The following RIMKLB variants were observed in gnomAD, a reference collection of about 807,000 sequenced individuals.
RIMKLB encodes the protein beta-citrylglutamate synthase B.
A neutral mutation model predicts 32.0 loss-of-function variants in RIMKLB; 7 were observed. The observed-to-expected ratio is 0.22, with a 90% CI of 0.12 to 0.41. The LOEUF (loss-of-function observed/expected upper bound fraction) is 0.41. Ranked by LOEUF, RIMKLB falls within the 10% of genes least tolerant of loss-of-function variation. The pLI is 1.00. For synonymous variants in RIMKLB, 172 were observed against 185.1 expected, an observed-to-expected ratio of 0.93 and a Z score of 0.57; for missense variants, 289 against 498.7, an observed-to-expected ratio of 0.58 and a Z score of 4.00.
In RIMKLB at chr12:8,698,145, G is replaced by C. The variant is rs1943012633; in HGVS notation, c.-209G>C. On this transcript the variant is annotated 5_prime_UTR_variant, in exon 1 of 6. Transcript: ENST00000535829. ...GCCCGGCCAGCCTGCGGGAGCCGCA[G>C]TCGGCGGAGGAGAAAGGAGGCGGCT... 2 of 289,546 alleles carry C rather than the reference G, an allele frequency of 6.9e-6. No individual in the cohort carries two copies. The highest frequency in any genetic ancestry group is 7.0e-6 in the Non-Finnish European group (1 of 143,350). 17.9% of individuals were successfully genotyped at this position (289,546 alleles called of 1,614,324 possible).
upstream of RIMKLB, among the ~76,000 whole-genome samples, chr12:8,677,588 C>T (rs1942350666): frequency 6.6e-6 from 1 of 152,164 alleles, no homozygotes; most frequent in African/African-American, 2.4e-5. Context: ...ATCTCTTTAG[C>T]ACTAATCTGA....
chr12:8,744,325 C>CT (rs948730513), intron 2 of RIMKLB, among the ~76,000 whole-genome samples: 3 of 151,932 alleles, frequency 2.0e-5, no homozygotes, highest in African/African-American at 7.3e-5. Context: ...CCATAGTACA[C>CT]TGTGCAGATC....
At chr12:8,742,749 G>T (rs1420671963) in intron 2 of RIMKLB, 2 of 235,352 alleles carry the variant, frequency 8.5e-6, no homozygotes, top group South Asian at 6.1e-5. Flanking sequence ...TTGACTCTTG[G>T]AACCTTCACT....
chr12:8,736,102 G>T (rs1381879620), intron 2 of RIMKLB, among the ~76,000 whole-genome samples: 8 of 152,178 alleles, frequency 5.3e-5, no homozygotes, highest in Non-Finnish European at 1.2e-4. Flanking sequence ...ACAACTGAAA[G>T]ATTTCTTCCT....
chr12:8,716,749 T>TTA (rs1944892002), intron 2 of RIMKLB, among the ~76,000 whole-genome samples: 1 of 140,128 alleles, frequency 7.1e-6, no homozygotes, highest in Non-Finnish European at 1.5e-5. Context: ...TTTTTTTTTT[T>TTA]ACTTTGAGAC....
At chr12:8,754,206 C>A in intron 5 of RIMKLB, 113 bp downstream of exon 5, 1 of 732,022 alleles carries the variant, frequency 1.4e-6, no homozygotes, top group Non-Finnish European at 2.3e-6. Flanking sequence ...AAACGTATTT[C>A]CTTTTACATG....
intron 2 of RIMKLB, among the ~76,000 whole-genome samples, chr12:8,743,266 A>C (rs757433633): frequency 6.8e-6 from 1 of 146,264 alleles, no homozygotes; most frequent in African/African-American, 2.5e-5. Flanking sequence ...AGGCAAGAGA[A>C]TTGTTTGCAC....
At chr12:8,707,261 G>T (rs945978374) in intron 1 of RIMKLB, among the ~76,000 whole-genome samples, 2 of 152,140 alleles carry the variant, frequency 1.3e-5, no homozygotes, top group South Asian at 4.1e-4. Flanking sequence ...CAGGCCTCTG[G>T]ACTTCAGCCA....
the RIMKLB span, among the ~76,000 whole-genome samples, chr12:8,670,724 C>G: frequency 6.6e-5 from 10 of 152,372 alleles, no homozygotes; most frequent in Admixed American, 2.0e-4. Flanking sequence ...TAGGCAGTGC[C>G]TCAGGAAGGA....
upstream of RIMKLB, among the ~76,000 whole-genome samples, chr12:8,679,837 C>G (rs1942370994): frequency 6.6e-6 from 1 of 152,168 alleles, no homozygotes; most frequent in South Asian, 2.1e-4. Context: ...GGCATGTGAA[C>G]CAGAGCAACT....
At chr12:8,742,180 G>A (rs1465576695) in intron 2 of RIMKLB, among the ~76,000 whole-genome samples, 1 of 151,876 alleles carries the variant, frequency 6.6e-6, no homozygotes, top group East Asian at 1.9e-4. Flanking sequence ...TTACAGGCAC[G>A]AGCCACCATG....
At chr12:8,723,109 A>G (rs904326105) in intron 2 of RIMKLB, among the ~76,000 whole-genome samples, 2 of 152,218 alleles carry the variant, frequency 1.3e-5, no homozygotes, top group African/African-American at 4.8e-5. Context: ...CTTTGGCACA[A>G]GAGGTCTAGT....
intron 2 of RIMKLB, among the ~76,000 whole-genome samples, chr12:8,727,672 G>A (rs978941601): frequency 6.6e-6 from 1 of 152,108 alleles, no homozygotes; most frequent in Non-Finnish European, 1.5e-5. Flanking sequence ...GCTGAGGCGG[G>A]CGGATCAGTT....
chr12:8,699,999 T>G (rs1943247998), intron 1 of RIMKLB: 2 of 152,262 alleles, frequency 1.3e-5, no homozygotes, highest in Admixed American at 1.3e-4. Context: ...TAGTTTCTAG[T>G]GGATAGCTTT....
chr12:8,677,845 T>C (rs1469104599), upstream of RIMKLB, among the ~76,000 whole-genome samples: 3 of 151,540 alleles, frequency 2.0e-5, no homozygotes, highest in African/African-American at 7.3e-5. Flanking sequence ...CTCCACCTCC[T>C]GGGCTCAGGT....
At chr12:8,671,080 A>G in the RIMKLB span, among the ~76,000 whole-genome samples, 2 of 151,824 alleles carry the variant, frequency 1.3e-5, no homozygotes, top group Non-Finnish European at 2.9e-5. Context: ...TCATGAAACC[A>G]CAATTTCCTC....
downstream of RIMKLB, chr12:8,777,466 T>C (rs1950803642): frequency 1.8e-6 from 2 of 1,112,730 alleles, no homozygotes; most frequent in South Asian, 2.2e-5. Context: ...GCTGCCTAAC[T>C]CTAGTGAAAA....
intron 1 of RIMKLB, among the ~76,000 whole-genome samples, chr12:8,689,429 T>G (rs1289190168): frequency 2.0e-5 from 3 of 152,222 alleles, no homozygotes; most frequent in Non-Finnish European, 1.5e-5. Context: ...CATTACAATC[T>G]CTCTTTCTCA....
chr12:8,681,003 G>A (rs1223520243), upstream of RIMKLB, among the ~76,000 whole-genome samples: 2 of 124,304 alleles, frequency 1.6e-5, no homozygotes, highest in African/African-American at 6.6e-5. Flanking sequence ...TTTTTTTTTT[G>A]AGACAGGGTC....
Sources: allele counts gnomAD v4.1 joint callset (sites outside exome capture counted in the v4.1 genomes callset), GRCh38; gene constraint gnomAD v4.1.1; transcripts MANE v1.5; gene names NCBI Gene and HGNC (gene_info 2026-07-23, HGNC 2026-07-21).